USH2A: variants seen among roughly 807,000 people sequenced by gnomAD.
USH2A encodes Usher syndrome 2A (autosomal recessive, mild).
USH2A carries 443 observed loss-of-function variants against 538.9 expected under a neutral mutation model. The observed-to-expected ratio is 0.82, with a 90% CI of 0.76 to 0.89. USH2A has a LOEUF of 0.89. Among genes scored for constraint, USH2A ranks in the 40% least tolerant of loss-of-function variants. The pLI is 0.00. For missense variants in USH2A, 6,633 were observed against 6,324.8 expected (o/e 1.05, Z -1.65); for synonymous variants, 2,413 against 2,273.5 (o/e 1.06, Z -1.75).
intron 3 of USH2A, among the ~76,000 whole-genome samples, chr1:216,405,172 AT>A (rs1397374948): frequency 6.6e-6 from 1 of 152,182 alleles, no homozygotes; most frequent in Non-Finnish European, 1.5e-5. Context: ...ACATACTTAA[AT>A]TTAACAATAT....
chr1:216,366,588 C>T (rs2038602108), intron 3 of USH2A, among the ~76,000 whole-genome samples: 2 of 151,666 alleles, frequency 1.3e-5, no homozygotes, highest in South Asian at 4.2e-4. Flanking sequence ...AATGTCCCCC[C>T]CCAAAAAAAC....
At chr1:215,757,557 A>T (rs1351374495) in intron 58 of USH2A, among the ~76,000 whole-genome samples, 1 of 152,218 alleles carries the variant, frequency 6.6e-6, no homozygotes, top group African/African-American at 2.4e-5. Context: ...TCATCTTAAG[A>T]CTAGATATTA....
intron 37 of USH2A, among the ~76,000 whole-genome samples, chr1:215,942,017 GTCCTGTGC>G (rs1666647746): frequency 6.6e-6 from 1 of 152,078 alleles, no homozygotes; most frequent in African/African-American, 2.4e-5. Flanking sequence ...AGCTAACTGG[GTCCTGTGC>G]TCAGGGTCTC....
intron 3 of USH2A, among the ~76,000 whole-genome samples, chr1:216,413,281 GT>G (rs2039522823): frequency 1.3e-5 from 2 of 152,116 alleles, no homozygotes. Context: ...TAGAATGGGA[GT>G]GGGGCTGGGA....
intron 52 of USH2A, among the ~76,000 whole-genome samples, chr1:215,784,949 T>A (rs1661752642): frequency 6.6e-6 from 1 of 152,190 alleles, no homozygotes; most frequent in Non-Finnish European, 1.5e-5. Flanking sequence ...CTCTCTTAGA[T>A]GGAAACTCAA....
Position 215,625,003 on chromosome 1 carries a change from G to A in USH2A, c.*778C>T, listed in dbSNP as rs985839837. On this transcript the variant is annotated 3_prime_UTR_variant, in exon 72 of 72. Transcript: ENST00000307340. The stretch of plus-strand genomic sequence containing the variant: ...CTAGTTTCAAAACTATAAAATATAT[G>A]AAATAAAAACATTGGTTCAAGTAGA... 5 of 152,120 alleles carry A rather than the reference G, an allele frequency of 3.3e-5. No individual in the cohort carries two copies. Among genetic ancestry groups the A allele is most frequent in the African/African-American group, 1.2e-4 (5 of 41,436 alleles). The allele number at this position is 152,120 out of a possible 1,614,324, so 9.4% of individuals were successfully genotyped here.
chr1:216,114,591 A>G (rs2032957711), intron 21 of USH2A, among the ~76,000 whole-genome samples: 1 of 152,198 alleles, frequency 6.6e-6, no homozygotes, highest in African/African-American at 2.4e-5. Flanking sequence ...AAAGGTAAGT[A>G]AAGCTGACTA....
chr1:215,942,772 A>G (rs1666666320), intron 37 of USH2A, among the ~76,000 whole-genome samples: 1 of 152,182 alleles, frequency 6.6e-6, no homozygotes, highest in Non-Finnish European at 1.5e-5. Context: ...AGGAAGGAGT[A>G]TAAGCCAAAA....
At chr1:216,214,227 A>C (rs2035300843) in intron 15 of USH2A, among the ~76,000 whole-genome samples, 1 of 152,096 alleles carries the variant, frequency 6.6e-6, no homozygotes, top group Admixed American at 6.6e-5. Flanking sequence ...GCATGTCCAC[A>C]CAGAGACTTG....
At chr1:215,626,260 A>G (rs1656019959) in intron 71 of USH2A, among the ~76,000 whole-genome samples, 1 of 149,790 alleles carries the variant, frequency 6.7e-6, no homozygotes, top group Non-Finnish European at 1.5e-5. Flanking sequence ...CTATATAGAC[A>G]CTACATATAT....
chr1:215,813,649 G>T (rs1282348903), intron 49 of USH2A, 87 bp downstream of exon 49: 25 of 1,532,452 alleles, frequency 1.6e-5, no homozygotes, highest in Non-Finnish European at 2.2e-5. Flanking sequence ...TGAGAGGGAG[G>T]TGTTTGAAAT....
At chr1:215,975,600 A>T (rs760458194) in intron 35 of USH2A, among the ~76,000 whole-genome samples, 42 of 152,060 alleles carry the variant, frequency 2.8e-4, no homozygotes, top group Non-Finnish European at 5.0e-4. Flanking sequence ...ATTTTTGTTG[A>T]CTTTGTAAAA....
chr1:215,866,509 T>A (rs987143722), intron 44 of USH2A, among the ~76,000 whole-genome samples: 1 of 152,226 alleles, frequency 6.6e-6, no homozygotes, highest in African/African-American at 2.4e-5. Context: ...CTGAAGATGA[T>A]CCACTGGGAA....
chr1:216,231,808 C>A, intron 14 of USH2A, 145 bp downstream of exon 14: 1 of 933,286 alleles, frequency 1.1e-6, no homozygotes, highest in Non-Finnish European at 1.7e-6. Context: ...CTGCCTTGGT[C>A]TCTCAAAGTG....
intron 3 of USH2A, among the ~76,000 whole-genome samples, chr1:216,397,910 T>C (rs919264216): frequency 6.6e-5 from 10 of 152,240 alleles, no homozygotes; most frequent in African/African-American, 2.4e-4. Flanking sequence ...TTCCTTTTCA[T>C]ACACACACAG....
In USH2A at chr1:215,648,560, A is replaced by C. The variant is rs778351451; in HGVS notation, c.14550T>G (p.Ser4850Arg). 1 of 1,614,040 alleles carries C rather than the reference A, an allele frequency of 6.2e-7. No individual in the cohort carries two copies. The highest frequency in any genetic ancestry group is 8.5e-7 in the Non-Finnish European group (1 of 1,180,012). The change falls in exon 66 of 72, where the codon AGT becomes AGG. Residue 4850 changes from serine (S) to arginine (R), a missense_variant. Physicochemically the swap from Ser to Arg is moderately radical, Grantham distance 110. Transcript: ENST00000307340. ...LASRTASFRW[S>R]PPMFPNGVIH... ...TGACACCATTGGGGAACATGGGGGG[A>C]CTCCACCGGAAGGAGGCCGTCCTTG...
chr1:215,952,086 GATCTCCTGACCTC>G (rs1666934463), intron 37 of USH2A, among the ~76,000 whole-genome samples: 1 of 150,890 alleles, frequency 6.6e-6, no homozygotes, highest in South Asian at 2.1e-4. Flanking sequence ...GGATGGTCTC[GATCTCCTGACCTC>G]ATGATCCACC....
In USH2A at chr1:215,648,579, G is replaced by C. The variant is rs200570742; in HGVS notation, c.14531C>G (p.Thr4844Arg). 1 of 1,614,186 alleles carries C rather than the reference G, an allele frequency of 6.2e-7. No individual in the cohort carries two copies. Among genetic ancestry groups the C allele is most frequent in the Non-Finnish European group, 8.5e-7 (1 of 1,180,024 alleles). ...GGGGGGACTCCACCGGAAGGAGGCC[G>C]TCCTTGAGGCCAGCGTCCCGATTTG... is the stretch of plus-strand genomic sequence containing the variant. The part of the protein sequence containing the change: ...SPQIGTLASR[T>R]ASFRWSPPMF... The change falls in exon 66 of 72, where the codon ACG (threonine) becomes AGG (arginine). Residue 4844 changes from threonine to arginine, a missense_variant. Thr to Arg is a moderately conservative substitution (Grantham distance 71). Coordinates refer to ENST00000307340, the MANE Select transcript of USH2A (RefSeq NM_206933.4).
chr1:216,292,080 A>T, intron 10 of USH2A, 95 bp downstream of exon 10: 1 of 1,378,126 alleles, frequency 7.3e-7, no homozygotes, highest in Non-Finnish European at 1.0e-6. Context: ...GTACATCCTT[A>T]AATAAGATAG....
Sources: gnomAD v4.1 joint callset for allele counts (sites outside exome capture counted in the v4.1 genomes callset) on GRCh38, gnomAD v4.1.1 for gene constraint, MANE v1.5 for transcripts, NCBI Gene and HGNC (gene_info 2026-07-23, HGNC 2026-07-21) for gene names.